GPAT4: variants seen among roughly 807,000 people sequenced by gnomAD.
GPAT4 encodes the protein 1-AGP acyltransferase 6.
In GPAT4, 17 loss-of-function variants were observed where a neutral mutation model predicts 58.0. The ratio of observed to expected loss-of-function variants is 0.29; its 90% CI spans 0.20 to 0.44. The LOEUF (loss-of-function observed/expected upper bound fraction) is 0.44, where lower values mean the gene tolerates loss of function less well. GPAT4 is among the 20% of genes least tolerant of loss of function. The pLI, the probability that GPAT4 is intolerant of heterozygous loss-of-function variation, is 1.00. For synonymous variants in GPAT4, 204 were observed against 210.1 expected (o/e 0.97, Z 0.25); for missense variants, 377 against 574.5 (o/e 0.66, Z 3.51).
rs1439665791 is a variant in GPAT4, at chr8:41,621,314, GTGGT to G, written c.*317_*320del. ...CACCTTTGCACGCTGTGCGGGCTGA[GTGGT>G]TGGGGAGATGTGGCCATGGTCTTGT... On this transcript the variant is annotated 3_prime_UTR_variant, in exon 13 of 13. Coordinates refer to ENST00000396987, the MANE Select transcript of GPAT4 (RefSeq NM_178819.4). 1 of 331,332 alleles carries G rather than the reference GTGGT, an allele frequency of 3.0e-6. No individual in the cohort carries two copies. The highest frequency in any genetic ancestry group is 5.7e-6 in the Non-Finnish European group (1 of 175,972). 20.5% of individuals were successfully genotyped at this position (331,332 alleles called of 1,614,324 possible).
At chr8:41,583,078 T>C (rs1802565031) in intron 1 of GPAT4, among the ~76,000 whole-genome samples, 1 of 151,848 alleles carries the variant, frequency 6.6e-6, no homozygotes, top group Non-Finnish European at 1.5e-5. Flanking sequence ...CAAAAAAAAC[T>C]AGCCGGCTGT....
intron 1 of GPAT4, among the ~76,000 whole-genome samples, chr8:41,589,211 T>G (rs1419641263): frequency 6.6e-6 from 1 of 152,218 alleles, no homozygotes; most frequent in Non-Finnish European, 1.5e-5. Context: ...ACTACCGATT[T>G]GATAAACTCA....
At chr8:41,606,942 G>A (rs1033085770) in intron 2 of GPAT4, among the ~76,000 whole-genome samples, 1 of 152,180 alleles carries the variant, frequency 6.6e-6, no homozygotes, top group African/African-American at 2.4e-5. Flanking sequence ...ACTTCACGTT[G>A]TCTCCTCTAC....
intron 1 of GPAT4, among the ~76,000 whole-genome samples, chr8:41,579,239 CAG>C (rs1353742246): frequency 4.6e-5 from 7 of 152,140 alleles, no homozygotes; most frequent in African/African-American, 1.7e-4. Context: ...ATTTCAGACA[CAG>C]GGAAATAGAT....
At chr8:41,587,496 A>G (rs1448069139) in intron 1 of GPAT4, among the ~76,000 whole-genome samples, 1 of 152,202 alleles carries the variant, frequency 6.6e-6, no homozygotes, top group Non-Finnish European at 1.5e-5. Flanking sequence ...ATCCCAGCAC[A>G]TATTATCACT....
intron 1 of GPAT4, among the ~76,000 whole-genome samples, chr8:41,586,885 G>A (rs148913878): frequency 3.2e-4 from 49 of 152,312 alleles, no homozygotes; most frequent in East Asian, 2.9e-3. Flanking sequence ...AGAATCGCTC[G>A]AGTGTGTTAA....
At chr8:41,610,936 C>T in intron 5 of GPAT4, 126 bp downstream of exon 5, 1 of 1,013,214 alleles carries the variant, frequency 9.9e-7, no homozygotes, top group Non-Finnish European at 1.4e-6. Context: ...GATTAAATAA[C>T]CCAGTGGTGG....
At position 41,609,696 on chromosome 8, in the gene GPAT4, A is replaced by G. The variant is rs985928396; in HGVS notation, c.277A>G (p.Lys93Glu). 2 of 1,614,054 alleles carry G rather than the reference A, an allele frequency of 1.2e-6. No homozygotes were observed. Among genetic ancestry groups the G allele is most frequent in the African/African-American group, 1.3e-5 (1 of 75,032 alleles). The change falls in exon 4 of 13, where the codon AAA (lysine) becomes GAA (glutamate). Residue 93 changes from lysine to glutamate, a missense_variant. Lys to Glu is a moderately conservative substitution (Grantham distance 56). Transcript: ENST00000396987. ...TCCCACTTCACTAGAAGAAGAGATC[A>G]AAGAGATTCGTCGAAGTGGTAGTAG... is the stretch of plus-strand genomic sequence containing the variant. ...KDPTSLEEEI[K>E]EIRRSGSSKA...
At chr8:41,615,558 G>A (rs1020120236) in intron 10 of GPAT4, among the ~76,000 whole-genome samples, 1 of 152,080 alleles carries the variant, frequency 6.6e-6, no homozygotes, top group Non-Finnish European at 1.5e-5. Context: ...TGGACCCTGG[G>A]AGTTTATCTA....
In GPAT4 at chr8:41,610,754, AG is replaced by A; in HGVS notation, c.558del (p.Ile187LeufsTer23). The stretch of plus-strand genomic sequence containing the variant: ...CTTACAGGATAGCACTGGCTTTCAC[AG>A]GGATTAGCCTTCTGGTGGTGGGCAC... ...LPLRIALAFT[G>X]ISLLVVGTTV... On this transcript the variant is annotated frameshift_variant, in exon 5 of 13. Transcript: ENST00000396987. LOFTEE classifies it high-confidence loss of function. The A allele has an allele frequency of 1.2e-6, 2 of 1,611,324 alleles. No individual in the cohort carries two copies. The highest frequency in any genetic ancestry group is 1.7e-6 in the Non-Finnish European group (2 of 1,178,600).
At chr8:41,618,210 G>A (rs1388327775) in intron 10 of GPAT4, among the ~76,000 whole-genome samples, 2 of 152,278 alleles carry the variant, frequency 1.3e-5, no homozygotes, top group Admixed American at 6.5e-5. Flanking sequence ...TTAAAAGTTG[G>A]TGTTTGTGTA....
At chr8:41,581,072 G>A (rs1802496957) in intron 1 of GPAT4, among the ~76,000 whole-genome samples, 1 of 152,206 alleles carries the variant, frequency 6.6e-6, no homozygotes, top group Admixed American at 6.5e-5. Flanking sequence ...TCATTATGAC[G>A]TGTCTTTTAC....
intron 1 of GPAT4, among the ~76,000 whole-genome samples, chr8:41,583,950 G>A (rs1802589521): frequency 6.6e-6 from 1 of 152,196 alleles, no homozygotes; most frequent in South Asian, 2.1e-4. Context: ...AGGCTGGAGT[G>A]CAGTGGCACT....
Position 41,599,214 on chromosome 8 carries a change from CCTT to C in GPAT4, c.78_80del (p.Leu27del). The C allele has an allele frequency of 1.2e-6, 2 of 1,614,092 alleles. No individual in the cohort carries two copies. The highest frequency in any genetic ancestry group is 1.7e-6 in the Non-Finnish European group (2 of 1,180,000). Reference sequence around the variant, plus strand: ...TCTCCCTGACTGTCCTCTTCACCCTCCTTCTCGTTTTCATCATAGTGCCAGCCA... The same window carrying C: ...TCTCCCTGACTGTCCTCTTCACCCTCCTCGTTTTCATCATAGTGCCAGCCA... On this transcript the variant is annotated inframe_deletion, in exon 2 of 13. Coordinates refer to ENST00000396987, the MANE Select transcript of GPAT4 (RefSeq NM_178819.4).
intron 2 of GPAT4, among the ~76,000 whole-genome samples, chr8:41,605,310 A>G (rs928659584): frequency 1.3e-5 from 2 of 152,254 alleles, no homozygotes; most frequent in Non-Finnish European, 2.9e-5. Context: ...ATACACAGGC[A>G]GAGGTGAATT....
intron 4 of GPAT4, 80 bp from the exon 5 acceptor site, chr8:41,610,656 C>T (rs1053236843): frequency 6.3e-6 from 10 of 1,583,074 alleles, no homozygotes; most frequent in Non-Finnish European, 6.0e-6. Flanking sequence ...TTGTGATGCC[C>T]CCTTTGATTT....
intron 1 of GPAT4, among the ~76,000 whole-genome samples, chr8:41,588,897 G>A (rs1223706135): frequency 2.0e-5 from 3 of 152,186 alleles, no homozygotes; most frequent in African/African-American, 4.8e-5. Context: ...TGTTTGGCCT[G>A]TGGGGGAACG....
intron 1 of GPAT4, among the ~76,000 whole-genome samples, chr8:41,590,276 G>T (rs541752240): frequency 7.6e-4 from 116 of 152,268 alleles, no homozygotes; most frequent in Middle Eastern, 3.4e-3. Flanking sequence ...TAGTAGAGAT[G>T]GGGTTTCACC....
intron 2 of GPAT4, among the ~76,000 whole-genome samples, chr8:41,604,412 C>G (rs1803198266): frequency 6.6e-6 from 1 of 152,180 alleles, no homozygotes; most frequent in African/African-American, 2.4e-5. Context: ...GAAGCCCTAA[C>G]TCAGTGCAGG....
Sources: gnomAD v4.1 joint callset for allele counts (sites outside exome capture counted in the v4.1 genomes callset) on GRCh38, gnomAD v4.1.1 for gene constraint, MANE v1.5 for transcripts, NCBI Gene and HGNC (gene_info 2026-07-23, HGNC 2026-07-21) for gene names.